The following STRN3 variants were observed in gnomAD, a reference collection of about 807,000 sequenced individuals.
STRN3 encodes the protein striatin-3.
In STRN3, 29 loss-of-function variants were observed where a neutral mutation model predicts 95.6. That is an observed-to-expected ratio of 0.30 (90% CI 0.23 to 0.41). STRN3 has a LOEUF of 0.41. Ranked by LOEUF, STRN3 falls within the 10% of genes least tolerant of loss-of-function variation. STRN3 has a pLI of 1.00. For missense variants in STRN3, 890 were observed against 972.1 expected, an observed-to-expected ratio of 0.92 and a Z score of 1.12; for synonymous variants, 331 against 357.6, an observed-to-expected ratio of 0.93 and a Z score of 0.84.
intron 5 of STRN3, among the ~76,000 whole-genome samples, chr14:30,944,280 T>C (rs569301686): frequency 7.2e-5 from 11 of 152,084 alleles, no homozygotes; most frequent in African/African-American, 2.7e-4. Flanking sequence ...TATTTGATAA[T>C]ATTTCCGCTT....
intron 1 of STRN3, among the ~76,000 whole-genome samples, chr14:30,992,284 G>T (rs906444893): frequency 6.6e-6 from 1 of 151,644 alleles, no homozygotes; most frequent in Non-Finnish European, 1.5e-5. Flanking sequence ...GGTGGCGGGC[G>T]CCTATAATCC....
chr14:30,911,114 A>G lies in STRN3; in HGVS notation c.1647T>C (p.Phe549=), dbSNP rs1413772693. 1 of 1,614,120 alleles carries G rather than the reference A, an allele frequency of 6.2e-7. No individual in the cohort carries two copies. Among genetic ancestry groups the G allele is most frequent in the African/African-American group, 1.3e-5 (1 of 75,050 alleles). ...GGATGGTTGCATCAATACCACCACTAAAACACTGTTCTCCATTAGAACTAA... is the reference window on the plus strand; with the variant it reads ...GGATGGTTGCATCAATACCACCACTGAAACACTGTTCTCCATTAGAACTAA... ...LAISSNGEQC[F]SGGIDATIQW... is the part of the protein sequence containing the mutation. Residue 549 remains phenylalanine, a synonymous_variant, in exon 13 of 18, where the codon TTT becomes TTC. Transcript: ENST00000357479.
At chr14:30,940,658 C>G (rs1479483815) in intron 5 of STRN3, among the ~76,000 whole-genome samples, 1 of 152,050 alleles carries the variant, frequency 6.6e-6, no homozygotes, top group African/African-American at 2.4e-5. Flanking sequence ...TATGGAGTAA[C>G]TGGAAAGAAT....
intron 1 of STRN3, among the ~76,000 whole-genome samples, chr14:30,972,084 T>C (rs772833636): frequency 3.3e-5 from 5 of 152,076 alleles, no homozygotes; most frequent in Admixed American, 6.6e-5. Context: ...TTTCAAAGAA[T>C]ATGTCAGTAT....
In STRN3 at chr14:31,010,053, T is replaced by C. The variant is rs1008830470; in HGVS notation, c.282+15851A>G. On this transcript the variant is annotated intron_variant, in intron 1 of 17. Transcript: ENST00000357479. ...AGAAGGACAAAGCTACAGTGAGCCATGATTGATAGCATCACTGAACTCAAG... is the reference window on the plus strand; with the variant it reads ...AGAAGGACAAAGCTACAGTGAGCCACGATTGATAGCATCACTGAACTCAAG... Among the ~76,000 whole-genome samples the C allele has an allele frequency of 2.0e-5, 3 of 152,100 alleles. 1 individual carries two copies. Among genetic ancestry groups the C allele is most frequent in the Admixed American group, 6.6e-5 (1 of 15,258 alleles).
chr14:30,898,536 T>C (rs1896218669), intron 16 of STRN3, among the ~76,000 whole-genome samples: 4 of 152,188 alleles, frequency 2.6e-5, no homozygotes, highest in South Asian at 2.1e-4. Flanking sequence ...CACTTCAAAA[T>C]GTGAGTAATC....
In STRN3 at chr14:31,026,236, G is replaced by A. The variant is rs996287605; in HGVS notation, c.-51C>T. On this transcript the variant is annotated 5_prime_UTR_variant, in exon 1 of 18. Coordinates refer to ENST00000357479, the MANE Select transcript of STRN3 (RefSeq NM_001083893.2). ...CAGGGCGAGACGCCGACAGCTGGGG[G>A]AAGGGCCGGAGAGGGTGGCCCCGCG... The A allele has an allele frequency of 2.2e-6, 3 of 1,375,022 alleles. No homozygotes were observed. The highest frequency in any genetic ancestry group is 1.9e-6 in the Non-Finnish European group (2 of 1,073,074). 85.2% of individuals were successfully genotyped at this position (1,375,022 alleles called of 1,614,324 possible). A position where few individuals can be genotyped will look rare whatever the true frequency, so the allele number is the denominator to read the frequency against.
chr14:30,930,020 T>C (rs17097563), intron 7 of STRN3, among the ~76,000 whole-genome samples: 4,714 of 148,848 alleles, frequency 0.032, 275 homozygotes, highest in African/African-American at 0.11. Context: ...TTGATTTTTT[T>C]TCAGGATAAA....
At chr14:30,931,865 G>C (rs1369630814) in intron 7 of STRN3, 2 of 152,180 alleles carry the variant, frequency 1.3e-5, no homozygotes, top group East Asian at 3.8e-4. Context: ...ATTGTTGATT[G>C]CTAATAGACA....
chr14:30,982,188 T>C (rs1302348828), intron 1 of STRN3, among the ~76,000 whole-genome samples: 2 of 151,896 alleles, frequency 1.3e-5, no homozygotes, highest in Non-Finnish European at 2.9e-5. Context: ...ACTTATCTCT[T>C]CTACTTATAA....
At chr14:30,970,069 T>C (rs1880748160) in intron 1 of STRN3, among the ~76,000 whole-genome samples, 1 of 152,246 alleles carries the variant, frequency 6.6e-6, no homozygotes, top group African/African-American at 2.4e-5. Flanking sequence ...CTTTTTCATC[T>C]ATTCTATTAC....
chr14:30,981,606 A>ACC (rs370486861), intron 1 of STRN3, among the ~76,000 whole-genome samples: 48 of 148,480 alleles, frequency 3.2e-4, no homozygotes, highest in African/African-American at 1.0e-3. Context: ...ACACACACAC[A>ACC]CCCCATAATT....
intron 8 of STRN3, among the ~76,000 whole-genome samples, chr14:30,927,294 T>C (rs1878230821): frequency 6.6e-6 from 1 of 152,084 alleles, no homozygotes; most frequent in Non-Finnish European, 1.5e-5. Context: ...CCAACCTGGG[T>C]TCTAAAAAAA....
At chr14:30,908,250 C>G (rs1418633557) in intron 13 of STRN3, among the ~76,000 whole-genome samples, 1 of 152,118 alleles carries the variant, frequency 6.6e-6, no homozygotes, top group Non-Finnish European at 1.5e-5. Flanking sequence ...TTCATTAATC[C>G]TATCCTACCA....
At chr14:30,914,678 A>G (rs1021727535) in intron 9 of STRN3, among the ~76,000 whole-genome samples, 1 of 115,654 alleles carries the variant, frequency 8.6e-6, no homozygotes, top group Admixed American at 8.8e-5. Flanking sequence ...AGCTTTGACT[A>G]TGACTTTTAT....
intron 8 of STRN3, among the ~76,000 whole-genome samples, chr14:30,926,640 A>T: frequency 6.6e-6 from 1 of 151,930 alleles, no homozygotes; most frequent in East Asian, 1.9e-4. Flanking sequence ...TACTTCTTAT[A>T]ATACTTCTTA....
intron 1 of STRN3, among the ~76,000 whole-genome samples, chr14:30,974,235 G>C (rs1012562462): frequency 6.6e-6 from 1 of 152,152 alleles, no homozygotes; most frequent in South Asian, 2.1e-4. Context: ...CAAAGTAACA[G>C]AATACAAAAT....
intron 1 of STRN3, among the ~76,000 whole-genome samples, chr14:30,967,031 G>A (rs1880550076): frequency 6.6e-6 from 1 of 151,646 alleles, no homozygotes. Context: ...AGACACCCCT[G>A]GTTTGAGGGG....
At chr14:30,956,447 G>A (rs1220706356) in intron 1 of STRN3, among the ~76,000 whole-genome samples, 2 of 152,146 alleles carry the variant, frequency 1.3e-5, no homozygotes, top group Non-Finnish European at 2.9e-5. Context: ...GAGACAAGGA[G>A]TTTTAGACCA....
Sources: gnomAD v4.1 joint callset for allele counts (sites outside exome capture counted in the v4.1 genomes callset) on GRCh38, gnomAD v4.1.1 for gene constraint, MANE v1.5 for transcripts, NCBI Gene and HGNC (gene_info 2026-07-23, HGNC 2026-07-21) for gene names.